The following ACSS3 variants were observed in gnomAD, a reference collection of about 807,000 sequenced individuals.
The protein encoded by ACSS3 is acyl-CoA synthetase short-chain family member 3, mitochondrial.
A neutral mutation model predicts 84.2 loss-of-function variants in ACSS3; 64 were observed. That is an observed-to-expected ratio of 0.76 (90% CI 0.62 to 0.94). The LOEUF (loss-of-function observed/expected upper bound fraction) is 0.94. ACSS3 is among the 40% of genes least tolerant of loss of function. The probability of loss-of-function intolerance (pLI) is 0.00; values close to 1 mark genes in which losing one functional copy is unlikely to be tolerated. For missense variants in ACSS3, 815 were observed against 867.6 expected (o/e 0.94, Z 0.76); for synonymous variants, 317 against 310.1 (o/e 1.02, Z -0.23).
At chr12:81,096,428 A>G (rs1882050775) in intron 1 of ACSS3, among the ~76,000 whole-genome samples, 3 of 152,188 alleles carry the variant, frequency 2.0e-5, no homozygotes, top group South Asian at 2.1e-4. Flanking sequence ...ACAAAAAAAC[A>G]TGGATACTTA....
intron 13 of ACSS3, among the ~76,000 whole-genome samples, chr12:81,249,151 T>C (rs977487393): frequency 1.3e-5 from 2 of 152,016 alleles, no homozygotes; most frequent in African/African-American, 4.8e-5. Context: ...TAGGAAACTT[T>C]GATGGAGGTT....
At chr12:81,230,007 T>C (rs2033402801) in intron 11 of ACSS3, among the ~76,000 whole-genome samples, 1 of 151,882 alleles carries the variant, frequency 6.6e-6, no homozygotes, top group South Asian at 2.1e-4. Flanking sequence ...CTGCTTTCTT[T>C]TGTACTGTCA....
chr12:81,109,302 C>G (rs933918720), intron 1 of ACSS3, among the ~76,000 whole-genome samples: 3 of 152,072 alleles, frequency 2.0e-5, no homozygotes, highest in African/African-American at 7.2e-5. Flanking sequence ...GCAATAAAAT[C>G]CACAAAGTCG....
chr12:81,232,437 A>C (rs1344733275), intron 12 of ACSS3, among the ~76,000 whole-genome samples: 4 of 151,788 alleles, frequency 2.6e-5, no homozygotes, highest in African/African-American at 9.7e-5. Flanking sequence ...ATAAGTGAGA[A>C]GTGATGGAAC....
chr12:81,190,586 C>A (rs1471887057), intron 8 of ACSS3, among the ~76,000 whole-genome samples: 3 of 151,760 alleles, frequency 2.0e-5, no homozygotes, highest in Non-Finnish European at 4.4e-5. Flanking sequence ...TTCTTTTATG[C>A]CGTTTATTTC....
intron 13 of ACSS3, among the ~76,000 whole-genome samples, chr12:81,235,649 A>G (rs561753480): frequency 2.0e-5 from 3 of 151,382 alleles, no homozygotes; most frequent in Non-Finnish European, 4.4e-5. Context: ...TTTCTTTGGT[A>G]TGTTTCTTAA....
intron 1 of ACSS3, among the ~76,000 whole-genome samples, chr12:81,108,865 T>G (rs2121510125): frequency 6.6e-6 from 1 of 152,308 alleles, no homozygotes; most frequent in South Asian, 2.1e-4. Flanking sequence ...GAAAAATGAG[T>G]TATATTTCCT....
chr12:81,109,226 C>G (rs1883356263), intron 1 of ACSS3, among the ~76,000 whole-genome samples: 1 of 152,212 alleles, frequency 6.6e-6, no homozygotes, highest in South Asian at 2.1e-4. Flanking sequence ...ACTGCACTTA[C>G]ATACCATTTA....
intron 13 of ACSS3, among the ~76,000 whole-genome samples, chr12:81,248,127 G>A (rs1026327244): frequency 5.3e-5 from 8 of 151,916 alleles, no homozygotes; most frequent in African/African-American, 1.4e-4. Context: ...TAGTACAGCC[G>A]TTATGGAAAA....
chr12:81,230,970 C>T (rs2033437643), intron 11 of ACSS3, 87 bp from the exon 12 acceptor site: 1 of 976,518 alleles, frequency 1.0e-6, no homozygotes, highest in Non-Finnish European at 1.6e-6. Context: ...TTGTAATTAT[C>T]TGTCACAGTA....
At chr12:81,247,860 C>T (rs1202064566) in intron 13 of ACSS3, among the ~76,000 whole-genome samples, 1 of 151,974 alleles carries the variant, frequency 6.6e-6, no homozygotes, top group Non-Finnish European at 1.5e-5. Context: ...GTGGTGAATA[C>T]CATATTCCAC....
At chr12:81,228,769 G>A (rs1397753597) in intron 11 of ACSS3, among the ~76,000 whole-genome samples, 1 of 151,794 alleles carries the variant, frequency 6.6e-6, no homozygotes, top group Non-Finnish European at 1.5e-5. Flanking sequence ...GTTGTAAAGA[G>A]CACTAAATAC....
intron 3 of ACSS3, among the ~76,000 whole-genome samples, 178 bp from the exon 4 acceptor site, chr12:81,138,953 A>G (rs1885947414): frequency 1.3e-5 from 2 of 152,216 alleles, no homozygotes; most frequent in African/African-American, 4.8e-5. Context: ...TTTGTGTAGA[A>G]GTGATCAAGT....
At chr12:81,179,641 G>A (rs1009745213) in intron 8 of ACSS3, among the ~76,000 whole-genome samples, 5 of 151,878 alleles carry the variant, frequency 3.3e-5, no homozygotes, top group Non-Finnish European at 7.4e-5. Context: ...GTGGTGGTGG[G>A]TGCCTGTAAT....
At chr12:81,101,066 G>A (rs1565975318) in intron 1 of ACSS3, among the ~76,000 whole-genome samples, 1 of 152,142 alleles carries the variant, frequency 6.6e-6, no homozygotes, top group Non-Finnish European at 1.5e-5. Flanking sequence ...CTTTTTAGCT[G>A]CTTGAGGTTG....
At chr12:81,083,380 C>T (rs1204518339) in intron 1 of ACSS3, among the ~76,000 whole-genome samples, 5 of 109,896 alleles carry the variant, frequency 4.5e-5, no homozygotes, top group East Asian at 2.1e-4. Context: ...TCTTTTGAGA[C>T]GGAGTCTCAC....
In ACSS3 at chr12:81,103,405, T is replaced by C. The variant is rs35295496; in HGVS notation, c.312-6155T>C. ...GTAGAGAGTCAGCACATAGAAGGCA[T>C]TCAATTGACCTTTACTGGAATGATT... is the stretch of plus-strand genomic sequence containing the variant. On this transcript the variant is annotated intron_variant, in intron 1 of 15. Coordinates refer to ENST00000548058, the MANE Select transcript of ACSS3 (RefSeq NM_024560.4). Among the ~76,000 whole-genome samples, 128 of 152,330 alleles carry C rather than the reference T, an allele frequency of 8.4e-4. 1 individual carries two copies. Among genetic ancestry groups the C allele is most frequent in the Admixed American group, 1.8e-3 (27 of 15,306 alleles).
intron 12 of ACSS3, among the ~76,000 whole-genome samples, chr12:81,232,586 A>G (rs772977206): frequency 6.6e-6 from 1 of 151,686 alleles, no homozygotes; most frequent in Non-Finnish European, 1.5e-5. Flanking sequence ...GTCCTCTTTC[A>G]TTTATATACA....
intron 8 of ACSS3, among the ~76,000 whole-genome samples, chr12:81,191,544 TA>T: frequency 6.6e-6 from 1 of 152,138 alleles, no homozygotes; most frequent in East Asian, 1.9e-4. Flanking sequence ...AAAAATCAAA[TA>T]AAACTCTCTG....
Sources: allele counts gnomAD v4.1 joint callset (sites outside exome capture counted in the v4.1 genomes callset), GRCh38; gene constraint gnomAD v4.1.1; transcripts MANE v1.5; gene names NCBI Gene and HGNC (gene_info 2026-07-23, HGNC 2026-07-21).